The following ZNF722 variants were observed in gnomAD, a reference collection of about 807,000 sequenced individuals.
The protein encoded by ZNF722 is zinc finger protein 479 pseudogene.
the ZNF722 span, among the ~76,000 whole-genome samples, chr7:64,009,261 G>T: frequency 6.6e-6 from 1 of 152,114 alleles, no homozygotes; most frequent in African/African-American, 2.4e-5. Flanking sequence ...GATTGCCCTG[G>T]CCAGAACTTC....
chr7:64,003,380 G>A, the ZNF722 span, among the ~76,000 whole-genome samples: 32 of 152,222 alleles, frequency 2.1e-4, no homozygotes, highest in African/African-American at 4.8e-4. Context: ...TGTGTGTGGC[G>A]GTAGCAGGTG....
the ZNF722 span, chr7:64,015,178 A>G: frequency 7.5e-7 from 1 of 1,340,160 alleles, no homozygotes; most frequent in African/African-American, 1.4e-5. Flanking sequence ...TGTGAGGTGC[A>G]CAAAGGAGGT....
chr7:64,000,130 T>TGTGTGTGTG, the ZNF722 span, among the ~76,000 whole-genome samples: 6 of 140,556 alleles, frequency 4.3e-5, no homozygotes, highest in Admixed American at 7.4e-5. Context: ...TTTTTTTTTT[T>TGTGTGTGTG]TTTGTGTGTG....
chr7:64,002,899 TGTG>T, the ZNF722 span, among the ~76,000 whole-genome samples: 4 of 152,286 alleles, frequency 2.6e-5, no homozygotes, highest in African/African-American at 9.6e-5. Flanking sequence ...TTGTGACAAA[TGTG>T]GTGGGTGTAA....
the ZNF722 span, among the ~76,000 whole-genome samples, chr7:64,002,972 G>A: frequency 1.3e-5 from 2 of 152,204 alleles, no homozygotes; most frequent in African/African-American, 4.8e-5. Context: ...GGAAAGCACA[G>A]TCAGCATTTA....
the ZNF722 span, among the ~76,000 whole-genome samples, chr7:64,010,330 A>G: frequency 2.0e-5 from 3 of 151,736 alleles, no homozygotes; most frequent in South Asian, 6.3e-4. Flanking sequence ...TTTAATTGTG[A>G]TATTAGGGTG....
the ZNF722 span, among the ~76,000 whole-genome samples, chr7:64,014,501 T>A: frequency 1.3e-5 from 2 of 152,144 alleles, no homozygotes; most frequent in Non-Finnish European, 2.9e-5. Context: ...TGAAACCAAT[T>A]GTATTGGGTA....
the ZNF722 span, chr7:64,015,587 T>A: frequency 1.2e-6 from 2 of 1,613,774 alleles, no homozygotes; most frequent in East Asian, 4.5e-5. Context: ...GTGAAGAATG[T>A]GGCCAAGCTT....
At chr7:64,004,277 C>G in the ZNF722 span, among the ~76,000 whole-genome samples, 1 of 149,774 alleles carries the variant, frequency 6.7e-6, no homozygotes, top group African/African-American at 2.4e-5. Flanking sequence ...AGGTGTGGTG[C>G]ACACACGTGT....
the ZNF722 span, chr7:64,015,541 A>G: frequency 4.3e-6 from 7 of 1,613,454 alleles, no homozygotes; most frequent in African/African-American, 1.3e-5. Flanking sequence ...CTTACTAGAC[A>G]TAAGAGAATT....
chr7:63,998,871 G>A, the ZNF722 span: 24 of 1,417,692 alleles, frequency 1.7e-5, no homozygotes, highest in Non-Finnish European at 2.3e-5. Context: ...TCTGCGTCCC[G>A]AGCTCCAGTT....
the ZNF722 span, among the ~76,000 whole-genome samples, chr7:64,005,225 G>A: frequency 3.3e-5 from 5 of 152,052 alleles, no homozygotes; most frequent in Admixed American, 6.6e-5. Context: ...ATTGAACCCG[G>A]GAGGTGGAGG....
At chr7:64,016,171 C>T in the ZNF722 span, 3 of 329,586 alleles carry the variant, frequency 9.1e-6, no homozygotes, top group Non-Finnish European at 1.7e-5. Context: ...TGGTATCTCC[C>T]TTTGTCACCC....
chr7:64,004,004 C>T, the ZNF722 span, among the ~76,000 whole-genome samples: 1 of 152,110 alleles, frequency 6.6e-6, no homozygotes. Context: ...GATACTTGCT[C>T]TCCAGGGTGC....
At chr7:64,016,022 C>A in the ZNF722 span, 1 of 792,388 alleles carries the variant, frequency 1.3e-6, no homozygotes, top group South Asian at 2.1e-5. Flanking sequence ...TTAACAAGTT[C>A]CAAACCTTAA....
At chr7:64,004,649 A>G in the ZNF722 span, among the ~76,000 whole-genome samples, 1 of 151,858 alleles carries the variant, frequency 6.6e-6, no homozygotes, top group Non-Finnish European at 1.5e-5. Flanking sequence ...TTAATTATTA[A>G]GTACACTTAG....
the ZNF722 span, among the ~76,000 whole-genome samples, chr7:64,001,854 C>T: frequency 1.8e-4 from 27 of 151,846 alleles, no homozygotes; most frequent in Non-Finnish European, 3.2e-4. Flanking sequence ...GTCATTTTTA[C>T]ATAGAATCAA....
chr7:63,998,987 G>A, the ZNF722 span: 15 of 1,578,206 alleles, frequency 9.5e-6, no homozygotes, highest in African/African-American at 2.7e-5. Context: ...GGATCCCCTG[G>A]AAGCCGAGAA....
At chr7:63,998,929 GT>G in the ZNF722 span, 1 of 1,570,970 alleles carries the variant, frequency 6.4e-7, no homozygotes, top group Non-Finnish European at 8.8e-7. Context: ...CCAAGCCTCT[GT>G]GGCCTTGTGT....
Sources: gnomAD v4.1 joint callset for allele counts (sites outside exome capture counted in the v4.1 genomes callset) on GRCh38, gnomAD v4.1.1 for gene constraint, MANE v1.5 for transcripts, NCBI Gene and HGNC (gene_info 2026-07-23, HGNC 2026-07-21) for gene names.